Variants in SNX2 observed in about 807,000 individuals in gnomAD.
SNX2 encodes sorting nexin 2.
In SNX2, 25 loss-of-function variants were observed where a neutral mutation model predicts 69.9. The observed-to-expected ratio is 0.36, with a 90% CI of 0.26 to 0.50. The LOEUF (loss-of-function observed/expected upper bound fraction) is 0.50, where lower values mean the gene tolerates loss of function less well. Ranked by LOEUF, SNX2 falls within the 20% of genes least tolerant of loss-of-function variation. The pLI, the probability that SNX2 is intolerant of heterozygous loss-of-function variation, is 0.97. For missense variants in SNX2, 551 were observed against 613.3 expected, an observed-to-expected ratio of 0.90 and a Z score of 1.07; for synonymous variants, 229 against 200.4, an observed-to-expected ratio of 1.14 and a Z score of -1.20.
chr5:122,812,817 T>C (rs1458538840), intron 7 of SNX2, among the ~76,000 whole-genome samples: 1 of 152,198 alleles, frequency 6.6e-6, no homozygotes, highest in Non-Finnish European at 1.5e-5. Context: ...GTGAATGTTA[T>C]CCAAGACCCA....
chr5:122,819,000 A>G lies in SNX2; in HGVS notation c.1189A>G (p.Ile397Val), dbSNP rs748065975. The stretch of plus-strand genomic sequence containing the variant: ...GTTTTCAGAACTACTTAGTGACTAC[A>G]TTCGTCTTATTGCTGCAGTGAAAGT... ...YMFSELLSDY[I>V]RLIAAVKGVF... Residue 397 changes from isoleucine to valine, a missense_variant, in exon 11 of 15, where the codon ATT becomes GTT. Ile to Val is a conservative substitution (Grantham distance 29). Transcript: ENST00000379516. The G allele has an allele frequency of 5.0e-6, 8 of 1,613,510 alleles. No individual in the cohort carries two copies. The highest frequency in any genetic ancestry group is 2.7e-5 in the African/African-American group (2 of 74,908).
At chr5:122,825,686 G>A (rs1049454451) in intron 11 of SNX2, among the ~76,000 whole-genome samples, 3 of 151,732 alleles carry the variant, frequency 2.0e-5, no homozygotes, top group East Asian at 1.9e-4. Context: ...ATTATTTAGC[G>A]GGAAAATTTC....
chr5:122,829,444 A>G (rs975867815), intron 14 of SNX2, among the ~76,000 whole-genome samples, 154 bp from the exon 15 acceptor site: 2 of 151,896 alleles, frequency 1.3e-5, no homozygotes, highest in East Asian at 2.0e-4. Context: ...ACATCAGGTG[A>G]TCCACCCATC....
intron 1 of SNX2, among the ~76,000 whole-genome samples, chr5:122,789,428 AC>A (rs1268606378): frequency 5.9e-5 from 7 of 118,952 alleles, no homozygotes; most frequent in Non-Finnish European, 1.2e-4. Flanking sequence ...CACCTTCCCC[AC>A]CACACACACA....
chr5:122,777,247 G>C (rs1384636325), intron 1 of SNX2, among the ~76,000 whole-genome samples: 2 of 152,178 alleles, frequency 1.3e-5, no homozygotes, highest in African/African-American at 4.8e-5. Context: ...AAGTGTTCTA[G>C]ATCCGTGTTT....
Position 122,826,127 on chromosome 5 carries a change from T to C in SNX2, c.1290T>C (p.Ala430=), listed in dbSNP as rs766427032. ...TTACTTTGCTCAAAAAACGTGAAGC[T>C]GAAGCAAAAATGATGGTTGCTAACA... is the stretch of plus-strand genomic sequence containing the variant. ...AQITLLKKRE[A]EAKMMVANKP... The change falls in exon 12 of 15, where the codon GCT becomes GCC. Residue 430 remains alanine (A), a synonymous_variant. Coordinates refer to ENST00000379516, the MANE Select transcript of SNX2 (RefSeq NM_003100.4). 1.2e-6 allele frequency: 2 copies of C among 1,613,176 alleles called. No individual in the cohort carries two copies. The highest frequency in any genetic ancestry group is 4.5e-5 in the East Asian group (2 of 44,746).
Position 122,801,923 on chromosome 5 carries a change from C to T in SNX2, c.445C>T (p.Pro149Ser). ...IFDIEIGVSDPEKVGDGMNAY... is the reference protein window; with the variant it reads ...IFDIEIGVSDSEKVGDGMNAY... Reference sequence around the variant, plus strand: ...TGACATAGAAATTGGTGTATCAGATCCAGAAAAAGTTGGTGAGTCAATACT... The same window carrying T: ...TGACATAGAAATTGGTGTATCAGATTCAGAAAAAGTTGGTGAGTCAATACT... The change falls in exon 4 of 15, where the codon CCA becomes TCA. Residue 149 changes from proline to serine, a missense_variant. Coordinates refer to ENST00000379516, the MANE Select transcript of SNX2 (RefSeq NM_003100.4). 3 of 1,602,608 alleles carry T rather than the reference C, an allele frequency of 1.9e-6. No homozygotes were observed. Among genetic ancestry groups the T allele is most frequent in the Non-Finnish European group, 2.6e-6 (3 of 1,171,664 alleles).
intron 1 of SNX2, among the ~76,000 whole-genome samples, chr5:122,784,438 T>C (rs1194070683): frequency 6.6e-6 from 1 of 152,048 alleles, no homozygotes; most frequent in African/African-American, 2.4e-5. Flanking sequence ...CAAATGCTTT[T>C]TCTGCATTCA....
intron 11 of SNX2, among the ~76,000 whole-genome samples, chr5:122,821,239 C>T (rs941704863): frequency 6.6e-6 from 1 of 152,136 alleles, no homozygotes; most frequent in Non-Finnish European, 1.5e-5. Flanking sequence ...TAGTCTCTGA[C>T]CTCAGTCATA....
In SNX2 at chr5:122,830,572, A is replaced by C. The variant is rs543844263; in HGVS notation, c.*924A>C. ...GTTGACAAGGAATGGTACCATGTTA[A>C]AATATACCATGATTTGATGAATAAG... On this transcript the variant is annotated 3_prime_UTR_variant, in exon 15 of 15. Coordinates refer to ENST00000379516, the MANE Select transcript of SNX2 (RefSeq NM_003100.4). 6.6e-6 allele frequency among the ~76,000 whole-genome samples: 1 copy of C among 152,240 alleles called. No homozygotes were observed. Among genetic ancestry groups the C allele is most frequent in the South Asian group, 2.1e-4 (1 of 4,826 alleles).
At chr5:122,784,266 A>G (rs933672770) in intron 1 of SNX2, among the ~76,000 whole-genome samples, 4 of 150,714 alleles carry the variant, frequency 2.7e-5, no homozygotes, top group African/African-American at 9.7e-5. Context: ...TATAATATTG[A>G]ATAAAAGTGG....
rs1380350128 is a variant in SNX2, at chr5:122,833,201, CAATG to C, written c.*3556_*3559del. On this transcript the variant is annotated 3_prime_UTR_variant, in exon 15 of 15. Coordinates refer to ENST00000379516, the MANE Select transcript of SNX2 (RefSeq NM_003100.4). ...CAGTGAAGGATTTGGTTTCATGTAA[CAATG>C]AAAGTAGATAATGGGTCAGACATGG... 2 of 151,830 alleles carry C rather than the reference CAATG, an allele frequency of 1.3e-5. No individual in the cohort carries two copies. Among genetic ancestry groups the C allele is most frequent in the African/African-American group, 2.4e-5 (1 of 41,302 alleles). 9.4% of individuals were successfully genotyped at this position (151,830 alleles called of 1,614,324 possible). A position where few individuals can be genotyped will look rare whatever the true frequency, so the allele number is the denominator to read the frequency against.
chr5:122,787,203 G>A (rs1375937539), intron 1 of SNX2, among the ~76,000 whole-genome samples: 2 of 152,122 alleles, frequency 1.3e-5, no homozygotes, highest in Non-Finnish European at 2.9e-5. Context: ...AAGATAAGTA[G>A]GTTTTTGCAA....
intron 6 of SNX2, among the ~76,000 whole-genome samples, chr5:122,805,290 C>CAA (rs767897080): frequency 0.23 from 20,227 of 87,650 alleles, 1,996 homozygotes; most frequent in East Asian, 0.49. Flanking sequence ...GACTCCATCT[C>CAA]AAAAAAAAAA....
At chr5:122,775,360 T>A (rs1752832406) in intron 1 of SNX2, 149 bp downstream of exon 1, 2 of 1,377,052 alleles carry the variant, frequency 1.5e-6, no homozygotes, top group Admixed American at 6.2e-5. Context: ...CCGGTGCCTG[T>A]CAGAGGGATG....
intron 7 of SNX2, among the ~76,000 whole-genome samples, chr5:122,815,254 T>G (rs1453659087): frequency 1.3e-5 from 2 of 152,216 alleles, no homozygotes; most frequent in African/African-American, 4.8e-5. Context: ...TTTATTTGAT[T>G]TTGTATGGTA....
rs969985917 is a variant in SNX2, at chr5:122,833,594, T to C, written c.*3946T>C. On this transcript the variant is annotated 3_prime_UTR_variant, in exon 15 of 15. Transcript: ENST00000379516. The stretch of plus-strand genomic sequence containing the variant: ...AATTTGATCAGTTGTCACATGTGGA[T>C]GACTAGTGGCTATGATAATGGACAG... 1 of 152,236 alleles carries C rather than the reference T, an allele frequency of 6.6e-6. No individual in the cohort carries two copies. Among genetic ancestry groups the C allele is most frequent in the Non-Finnish European group, 1.5e-5 (1 of 68,030 alleles). 9.4% of individuals were successfully genotyped at this position (152,236 alleles called of 1,614,324 possible).
At chr5:122,803,651 G>A (rs561944728) in intron 6 of SNX2, 38 bp downstream of exon 6, 1 of 1,527,080 alleles carries the variant, frequency 6.5e-7, no homozygotes, top group Non-Finnish European at 8.9e-7. Context: ...TTTTGTTACT[G>A]TTACTAGTTC....
intron 7 of SNX2, 132 bp downstream of exon 7, chr5:122,808,487 G>C (rs1287863805): frequency 1.8e-6 from 1 of 561,710 alleles, no homozygotes; most frequent in Non-Finnish European, 3.1e-6. Flanking sequence ...TTTTAAGACT[G>C]CTTTAAACTT....
Sources: gnomAD v4.1 joint callset for allele counts (sites outside exome capture counted in the v4.1 genomes callset) on GRCh38, gnomAD v4.1.1 for gene constraint, MANE v1.5 for transcripts, NCBI Gene and HGNC (gene_info 2026-07-23, HGNC 2026-07-21) for gene names.